The following MAPK15 variants were observed in gnomAD, a reference collection of about 807,000 sequenced individuals.
The protein encoded by MAPK15 is ERK-7.
MAPK15 carries 61 observed loss-of-function variants against 60.8 expected under a neutral mutation model. The ratio of observed to expected loss-of-function variants is 1.00; its 90% confidence interval spans 0.82 to 1.24. MAPK15 has a LOEUF of 1.24. MAPK15 is among the 50% of genes most tolerant of loss of function. The pLI is 0.00. For synonymous variants in MAPK15, 356 were observed against 319.9 expected (o/e 1.11, Z -1.21); for missense variants, 808 against 741.1 (o/e 1.09, Z -1.05).
At position 143,721,807 on chromosome 8, in the gene MAPK15, A is replaced by G. The variant is rs782010546; in HGVS notation, c.1385A>G (p.Gln462Arg). The change falls in exon 13 of 14, where the codon CAG becomes CGG. Residue 462 changes from glutamine to arginine, a missense_variant. By Grantham distance (43) the Gln-to-Arg change is conservative. Coordinates refer to ENST00000338033, the MANE Select transcript of MAPK15 (RefSeq NM_139021.3). ...TCCCTGACCTCCCAGGCTGCGGCTCAGGTGGCCAACCAGGCCCTGATCCGG... is the reference window on the plus strand; with the variant it reads ...TCCCTGACCTCCCAGGCTGCGGCTCGGGTGGCCAACCAGGCCCTGATCCGG... ...APSLTSQAAA[Q>R]VANQALIRGD... is the part of the protein sequence containing the mutation. 5.0e-6 allele frequency: 8 copies of G among 1,612,702 alleles called. No homozygotes were observed. Among genetic ancestry groups the G allele is most frequent in the African/African-American group, 2.7e-5 (2 of 74,888 alleles).
Position 143,719,412 on chromosome 8 carries a change from G to A in MAPK15, c.651G>A (p.Leu217=). The change falls in exon 7 of 14, where the codon CTG becomes CTA. Residue 217 remains leucine, a synonymous_variant. Coordinates refer to ENST00000338033, the MANE Select transcript of MAPK15 (RefSeq NM_139021.3). ...ILGEMLRGRP[L]FPGTSTLHQL... ...GGGAGATGCTGCGGGGGAGACCCCT[G>A]TTCCCCGGCACGTCCACCCTCCACC... The A allele has an allele frequency of 2.5e-6, 4 of 1,611,596 alleles. No homozygotes were observed. Among genetic ancestry groups the A allele is most frequent in the South Asian group, 2.2e-5 (2 of 90,774 alleles).
chr8:143,720,294 G>T lies in MAPK15; in HGVS notation c.779+7G>T. The T allele has an allele frequency of 6.3e-7, 1 of 1,583,662 alleles. No homozygotes were observed. Among genetic ancestry groups the T allele is most frequent in the East Asian group, 2.3e-5 (1 of 43,802 alleles). ...TGCACCAGCTGGGGTCCCGGTGAGT[G>T]GGGGCACTTCGGTGAGGGTGACAGG... On this transcript the variant is annotated splice_region_variant and intron_variant, in intron 8 of 13. Transcript: ENST00000338033. This position sits in a 1 kb window ranked among gnomAD's most constrained non-coding sequence, Gnocchi z 4.6.
chr8:143,721,648 A>C lies in MAPK15; in HGVS notation c.1304A>C (p.Glu435Ala), dbSNP rs376910803. The C allele has an allele frequency of 2.5e-5, 41 of 1,609,208 alleles. No homozygotes were observed. Among genetic ancestry groups the C allele is most frequent in the Non-Finnish European group, 3.1e-5 (37 of 1,177,412 alleles). ...GNGERPPGAK[E>A]APPLTLSLVK... ...GGGGAAAGGCCCCCTGGGGCGAAGG[A>C]AGCGCCCCCCTTGACACTCTCGCTG... Residue 435 changes from glutamate (E) to alanine (A), a missense_variant, in exon 12 of 14, where the codon GAA (glutamate) becomes GCA (alanine). By Grantham distance (107) the Glu-to-Ala change is moderately radical. Coordinates refer to ENST00000338033, the MANE Select transcript of MAPK15 (RefSeq NM_139021.3).
Position 143,716,400 on chromosome 8 carries a change from G to T in MAPK15, c.23G>T (p.Arg8Leu). 1.9e-6 allele frequency: 3 copies of T among 1,605,308 alleles called. No homozygotes were observed. Among genetic ancestry groups the T allele is most frequent in the Non-Finnish European group, 2.5e-6 (3 of 1,176,864 alleles). The change falls in exon 1 of 14, where the codon CGC (arginine) becomes CTC (leucine). Residue 8 changes from arginine to leucine, a missense_variant. Transcript: ENST00000338033. Reference protein sequence around the residue: MCTVVDPRIVRRYLLRRQ... With the variant: MCTVVDPLIVRRYLLRRQ... ...GCCATGTGCACCGTAGTGGACCCTC[G>T]CATTGTCCGGAGATACCTACTCAGG...
At chr8:143,722,029 G>T in intron 13 of MAPK15, 46 bp from the exon 14 acceptor site, 1 of 1,575,378 alleles carries the variant, frequency 6.3e-7, no homozygotes. Context: ...CCCCTCCACT[G>T]CACCCCCTCT....
In MAPK15 at chr8:143,721,631, GC is replaced by G; in HGVS notation, c.1292del (p.Pro431LeufsTer9). 1 of 1,610,520 alleles carries G rather than the reference GC, an allele frequency of 6.2e-7. No homozygotes were observed. The highest frequency in any genetic ancestry group is 8.5e-7 in the Non-Finnish European group (1 of 1,178,120). ...QTALLGNGER[P>X]PGAKEAPPLT... The stretch of plus-strand genomic sequence containing the variant: ...CTGCTCTCCTAGGGAATGGGGAAAG[GC>G]CCCCTGGGGCGAAGGAAGCGCCCCC... On this transcript the variant is annotated frameshift_variant, in exon 12 of 14. Coordinates refer to ENST00000338033, the MANE Select transcript of MAPK15 (RefSeq NM_139021.3). LOFTEE classifies it high-confidence loss of function.
chr8:143,717,824 T>C lies in MAPK15; in HGVS notation c.165+32T>C, dbSNP rs567969254. Reference sequence around the variant, plus strand: ...GTGTGGGGAGAAGCGTGGGAGAGGATGGGGGCAGGGAGGGGCAGCCCCTTG... The same window carrying C: ...GTGTGGGGAGAAGCGTGGGAGAGGACGGGGGCAGGGAGGGGCAGCCCCTTG... On this transcript the variant is annotated intron_variant, in intron 2 of 13. Coordinates refer to ENST00000338033, the MANE Select transcript of MAPK15 (RefSeq NM_139021.3). The C allele has an allele frequency of 1.3e-4, 205 of 1,593,478 alleles. 2 individuals are homozygous for C. The South Asian group carries it at 2.1e-3, about 16-fold the overall frequency.
rs1818031912 is a variant in MAPK15, at chr8:143,720,912, G to A, written c.917+72G>A. 1.9e-6 allele frequency: 3 copies of A among 1,583,752 alleles called. No individual in the cohort carries two copies. The highest frequency in any genetic ancestry group is 2.6e-6 in the Non-Finnish European group (3 of 1,164,290). On this transcript the variant is annotated intron_variant, in intron 9 of 13. Transcript: ENST00000338033. This position sits in a 1 kb window ranked among gnomAD's most constrained non-coding sequence, Gnocchi z 4.6. Reference sequence around the variant, plus strand: ...GGCAGGAGAGAGCCAGCCCATGAGGGACAGCCCCCACAGCAGGGACCCTGC... The same window carrying A: ...GGCAGGAGAGAGCCAGCCCATGAGGAACAGCCCCCACAGCAGGGACCCTGC...
In MAPK15 at chr8:143,718,923, C is replaced by G. The variant is rs199870132; in HGVS notation, c.417+18C>G. The G allele has an allele frequency of 1.5e-4, 240 of 1,598,790 alleles. No homozygotes were observed. In the African/African-American group the frequency reaches 3.0e-3, roughly 20 times the overall value. The stretch of plus-strand genomic sequence containing the variant: ...ACCAGAAGGTGCGGTTCCCCCGCCC[C>G]CGCTATGCCACGTGGCCCGGCTCCC... On this transcript the variant is annotated intron_variant, in intron 5 of 13. Transcript: ENST00000338033.
chr8:143,721,340 C>T lies in MAPK15; in HGVS notation c.1133C>T (p.Pro378Leu). 6.2e-7 allele frequency: 1 copy of T among 1,613,686 alleles called. No individual in the cohort carries two copies. The highest frequency in any genetic ancestry group is 2.2e-5 in the East Asian group (1 of 44,866). ...AAACCCAGAGCCGACCCTCAGCTGC[C>T]TTCTAGGACACCTGTGCAGGGTCCC... ...LHKPRADPQL[P>L]SRTPVQGPRP... Residue 378 changes from proline to leucine, a missense_variant, in exon 11 of 14, where the codon CCT becomes CTT. Physicochemically the swap from Pro to Leu is moderately conservative, Grantham distance 98 (BLOSUM62 -3). Coordinates refer to ENST00000338033, the MANE Select transcript of MAPK15 (RefSeq NM_139021.3).
At position 143,720,804 on chromosome 8, in the gene MAPK15, G is replaced by C; in HGVS notation, c.881G>C (p.Ser294Thr). The C allele has an allele frequency of 1.2e-6, 2 of 1,613,562 alleles. No individual in the cohort carries two copies. Among genetic ancestry groups the C allele is most frequent in the Non-Finnish European group, 1.7e-6 (2 of 1,179,890 alleles). Residue 294 changes from serine to threonine, a missense_variant, in exon 9 of 14, where the codon AGC (serine) becomes ACC (threonine). Ser to Thr is a moderately conservative substitution (Grantham distance 58). Coordinates refer to ENST00000338033, the MANE Select transcript of MAPK15 (RefSeq NM_139021.3). The surrounding 1 kb of genome is among the most constrained non-coding windows in gnomAD (Gnocchi z 4.6). ...LLVFAPDKRL[S>T]ATQALQHPYV... ...GTGTTCGCCCCGGACAAGCGGTTAA[G>C]CGCGACCCAGGCACTGCAGCACCCC...
Position 143,719,403 on chromosome 8 carries a change from GA to G in MAPK15, c.643del (p.Arg215AspfsTer15), listed in dbSNP as rs1444243952. The G allele has an allele frequency of 2.5e-6, 4 of 1,611,554 alleles. No homozygotes were observed. Among genetic ancestry groups the G allele is most frequent in the Non-Finnish European group, 3.4e-6 (4 of 1,179,092 alleles). ...GCILGEMLRG[R>X]PLFPGTSTLH... ...GTATCCTGGGGGAGATGCTGCGGGG[GA>G]GACCCCTGTTCCCCGGCACGTCCAC... On this transcript the variant is annotated frameshift_variant, in exon 7 of 14. Coordinates refer to ENST00000338033, the MANE Select transcript of MAPK15 (RefSeq NM_139021.3). LOFTEE classifies it high-confidence loss of function.
At position 143,720,276 on chromosome 8, in the gene MAPK15, G is replaced by C. The variant is rs1198716435; in HGVS notation, c.768G>C (p.Gln256His). 3 of 1,589,358 alleles carry C rather than the reference G, an allele frequency of 1.9e-6. No individual in the cohort carries two copies. The highest frequency in any genetic ancestry group is 2.6e-6 in the Non-Finnish European group (3 of 1,167,426). The change falls in exon 8 of 14, where the codon CAG (glutamine) becomes CAC (histidine). Residue 256 changes from glutamine to histidine, a missense_variant. Coordinates refer to ENST00000338033, the MANE Select transcript of MAPK15 (RefSeq NM_139021.3). This position sits in a 1 kb window ranked among gnomAD's most constrained non-coding sequence, Gnocchi z 4.6. ...GSGCRASVLHQLGSRPRQTLD... is the reference protein window; with the variant it reads ...GSGCRASVLHHLGSRPRQTLD... Reference sequence around the variant, plus strand: ...GCTGCCGTGCCTCTGTGCTGCACCAGCTGGGGTCCCGGTGAGTGGGGGCAC... The same window carrying C: ...GCTGCCGTGCCTCTGTGCTGCACCACCTGGGGTCCCGGTGAGTGGGGGCAC...
chr8:143,721,440 G>A (rs549711229), intron 11 of MAPK15, 29 bp downstream of exon 11: 42 of 1,608,666 alleles, frequency 2.6e-5, no homozygotes, highest in East Asian at 4.5e-5. Context: ...CCGCCCACGC[G>A]GAGCACGGCC....
At position 143,718,851 on chromosome 8, in the gene MAPK15, C is replaced by T. The variant is rs1334081691; in HGVS notation, c.363C>T (p.Leu121=). 1.2e-6 allele frequency: 2 copies of T among 1,612,184 alleles called. No homozygotes were observed. The highest frequency in any genetic ancestry group is 1.7e-5 in the Admixed American group (1 of 59,938). ...DVHVRSIFYQ[L]LRATRFLHSG... Reference sequence around the variant, plus strand: ...ACGTGCGCTCCATCTTCTACCAGCTCCTGCGGGCCACCCGGTTCCTCCACT... The same window carrying T: ...ACGTGCGCTCCATCTTCTACCAGCTTCTGCGGGCCACCCGGTTCCTCCACT... The change falls in exon 5 of 14, where the codon CTC becomes CTT. Residue 121 remains leucine (L), a synonymous_variant. Transcript: ENST00000338033.
At position 143,720,809 on chromosome 8, in the gene MAPK15, A is replaced by G. The variant is rs1554619555; in HGVS notation, c.886A>G (p.Thr296Ala). 6 of 1,613,296 alleles carry G rather than the reference A, an allele frequency of 3.7e-6. No individual in the cohort carries two copies. The highest frequency in any genetic ancestry group is 4.5e-5 in the East Asian group (2 of 44,860). The change falls in exon 9 of 14, where the codon ACC becomes GCC. Residue 296 changes from threonine (T) to alanine (A), a missense_variant. Transcript: ENST00000338033. This position sits in a 1 kb window ranked among gnomAD's most constrained non-coding sequence, Gnocchi z 4.6. ...CGCCCCGGACAAGCGGTTAAGCGCG[A>G]CCCAGGCACTGCAGCACCCCTACGT... Reference protein sequence around the residue: ...VFAPDKRLSATQALQHPYVQR... With the variant: ...VFAPDKRLSAAQALQHPYVQR...
intron 4 of MAPK15, chr8:143,718,566 A>G (rs1450572848): frequency 1.6e-6 from 1 of 631,224 alleles, no homozygotes; most frequent in African/African-American, 1.8e-5. Flanking sequence ...TTCTCATTTT[A>G]TGAAACAAAG....
intron 11 of MAPK15, 24 bp from the exon 12 acceptor site, chr8:143,721,524 CG>C (rs782648505): frequency 1.9e-6 from 3 of 1,613,334 alleles, no homozygotes; most frequent in South Asian, 1.1e-5. Flanking sequence ...CCACTGACCC[CG>C]GGGTTGACCC....
At position 143,720,789 on chromosome 8, in the gene MAPK15, C is replaced by G; in HGVS notation, c.866C>G (p.Pro289Arg). 3 of 1,613,674 alleles carry G rather than the reference C, an allele frequency of 1.9e-6. No individual in the cohort carries two copies. The highest frequency in any genetic ancestry group is 1.7e-6 in the Non-Finnish European group (2 of 1,179,890). ...DLLRRLLVFAPDKRLSATQAL... is the reference protein window; with the variant it reads ...DLLRRLLVFARDKRLSATQAL... Reference sequence around the variant, plus strand: ...CTTAGGCGACTCCTGGTGTTCGCCCCGGACAAGCGGTTAAGCGCGACCCAG... The same window carrying G: ...CTTAGGCGACTCCTGGTGTTCGCCCGGGACAAGCGGTTAAGCGCGACCCAG... Residue 289 changes from proline (P) to arginine (R), a missense_variant, in exon 9 of 14, where the codon CCG becomes CGG. By Grantham distance (103) the Pro-to-Arg change is moderately radical. Coordinates refer to ENST00000338033, the MANE Select transcript of MAPK15 (RefSeq NM_139021.3). This position sits in a 1 kb window ranked among gnomAD's most constrained non-coding sequence, Gnocchi z 4.6.
Sources: allele counts gnomAD v4.1 joint callset, GRCh38; gene constraint gnomAD v4.1.1; non-coding constraint Gnocchi (gnomAD v3.1); transcripts MANE v1.5; gene names NCBI Gene and HGNC (gene_info 2026-07-23, HGNC 2026-07-21).